Variants in ANK3 observed in about 807,000 individuals in gnomAD.
ANK3 encodes the protein ankyrin-3.
In ANK3, 57 loss-of-function variants were observed where a neutral mutation model predicts 370.9. The observed-to-expected ratio is 0.15, with a 90% CI of 0.12 to 0.19. The LOEUF is 0.19. Ranked by LOEUF, ANK3 falls within the 10% of genes least tolerant of loss-of-function variation. The pLI is 1.00. For synonymous variants in ANK3, 1,929 were observed against 1,946.3 expected (o/e 0.99, Z 0.23); for missense variants, 4,439 against 5,302.1 (o/e 0.84, Z 5.06).
chr10:60,291,387 A>C (rs993515512), intron 1 of ANK3, among the ~76,000 whole-genome samples: 1 of 152,164 alleles, frequency 6.6e-6, no homozygotes, highest in African/African-American at 2.4e-5. Context: ...TTTTGACTTC[A>C]AACTATTTTG....
At chr10:60,048,855 A>G (rs1022186901) in intron 42 of ANK3, among the ~76,000 whole-genome samples, 4 of 152,182 alleles carry the variant, frequency 2.6e-5, no homozygotes, top group African/African-American at 7.2e-5. Flanking sequence ...TTTATCTCCA[A>G]TCTTCAGTTC....
chr10:60,329,799 T>C (rs191845246), intron 1 of ANK3, among the ~76,000 whole-genome samples: 2 of 152,264 alleles, frequency 1.3e-5, no homozygotes, highest in African/African-American at 2.4e-5. Flanking sequence ...AAATTTCATA[T>C]GGAATCAAAA....
At chr10:60,503,120 T>C in intron 2 of ANK3, among the ~76,000 whole-genome samples, 1 of 152,206 alleles carries the variant, frequency 6.6e-6, no homozygotes, top group East Asian at 1.9e-4. Flanking sequence ...TTGAATGGAT[T>C]CTGTTGACAT....
chr10:60,318,386 T>G (rs1196348800), intron 1 of ANK3, among the ~76,000 whole-genome samples: 2 of 152,188 alleles, frequency 1.3e-5, no homozygotes, highest in African/African-American at 4.8e-5. Context: ...TTCCAAAAAT[T>G]TAATAGATTA....
intron 26 of ANK3, among the ~76,000 whole-genome samples, chr10:60,110,708 T>C (rs2092643942): frequency 1.3e-5 from 2 of 152,202 alleles, no homozygotes; most frequent in Admixed American, 1.3e-4. Flanking sequence ...ATGAAGGCAA[T>C]ATGGCAATAT....
intron 1 of ANK3, among the ~76,000 whole-genome samples, chr10:60,726,694 A>G (rs1195788655): frequency 1.3e-5 from 2 of 152,110 alleles, no homozygotes; most frequent in Admixed American, 1.3e-4. Context: ...TGAGAGTGAT[A>G]GAAATTTTCT....
chr10:60,037,995 T>C (rs985620150), intron 43 of ANK3, among the ~76,000 whole-genome samples: 4 of 152,246 alleles, frequency 2.6e-5, no homozygotes, highest in Admixed American at 2.6e-4. Flanking sequence ...TTCTGACTGG[T>C]GTGACATGGT....
chr10:60,473,423 C>T (rs538430795), intron 2 of ANK3, among the ~76,000 whole-genome samples: 28 of 152,252 alleles, frequency 1.8e-4, no homozygotes, highest in Non-Finnish European at 2.8e-4. Context: ...TATTCTTTGT[C>T]TTAGGAATTA....
chr10:60,669,794 T>A (rs556149231), intron 1 of ANK3, among the ~76,000 whole-genome samples: 8 of 152,122 alleles, frequency 5.3e-5, no homozygotes, highest in Non-Finnish European at 1.2e-4. Flanking sequence ...TTCCTTTCCC[T>A]TTCTATAATC....
intron 1 of ANK3, among the ~76,000 whole-genome samples, chr10:60,686,622 C>A (rs2079271769): frequency 6.6e-6 from 1 of 152,124 alleles, no homozygotes; most frequent in Non-Finnish European, 1.5e-5. Flanking sequence ...ATCTTCCTAA[C>A]AACTGTAGGT....
intron 2 of ANK3, among the ~76,000 whole-genome samples, chr10:60,534,992 A>G (rs1160646892): frequency 6.6e-6 from 1 of 152,086 alleles, no homozygotes; most frequent in African/African-American, 2.4e-5. Context: ...ACCAAACCTA[A>G]TTTCATCACA....
intron 43 of ANK3, among the ~76,000 whole-genome samples, chr10:60,032,603 G>T (rs186477485): frequency 6.6e-6 from 1 of 152,004 alleles, no homozygotes; most frequent in Non-Finnish European, 1.5e-5. Flanking sequence ...GGTTAATTTC[G>T]TAATGAGTAG....
chr10:60,418,443 A>G (rs1256799696), intron 2 of ANK3, among the ~76,000 whole-genome samples: 1 of 152,116 alleles, frequency 6.6e-6, no homozygotes, highest in Non-Finnish European at 1.5e-5. Flanking sequence ...CTTTGCTTTC[A>G]TAGCTGCAGT....
intron 2 of ANK3, among the ~76,000 whole-genome samples, chr10:60,442,233 T>A (rs1156534191): frequency 6.6e-6 from 1 of 151,686 alleles, no homozygotes; most frequent in African/African-American, 2.4e-5. Flanking sequence ...GTAGCTGGGA[T>A]TATAGGTGCA....
rs72822295 is a variant in ANK3, at chr10:60,334,473, G to T, written c.115-54834C>A. Among the ~76,000 whole-genome samples, 820 of 152,222 alleles carry T rather than the reference G, an allele frequency of 5.4e-3. 5 individuals are homozygous for T. Among genetic ancestry groups the T allele is most frequent in the South Asian group, 0.015 (71 of 4,816 alleles). On this transcript the variant is annotated intron_variant, in intron 1 of 43. Transcript: ENST00000280772. ...TATTACATATCTGCCAGTTAGAGAG[G>T]TTCAAGTCTATCTAGGTGCAGAGGA...
At position 60,130,622 on chromosome 10, in the gene ANK3, T is replaced by C. The variant is rs1202400954; in HGVS notation, c.2841+3649A>G. The stretch of plus-strand genomic sequence containing the variant: ...CATTATAAATACAAAATTAGAGAAA[T>C]GAAAAACAGAAACTAATAATTTTGT... On this transcript the variant is annotated intron_variant, in intron 25 of 43. Coordinates refer to ENST00000280772, the MANE Select transcript of ANK3 (RefSeq NM_020987.5). Among the ~76,000 whole-genome samples, 3 of 152,166 alleles carry C rather than the reference T, an allele frequency of 2.0e-5. No homozygotes were observed. The East Asian group carries it at 5.8e-4, about 29-fold the overall frequency.
At chr10:60,440,576 C>T (rs768479693) in intron 2 of ANK3, among the ~76,000 whole-genome samples, 25 of 152,144 alleles carry the variant, frequency 1.6e-4, no homozygotes, top group Non-Finnish European at 3.2e-4. Context: ...GTTTTTCCCT[C>T]AACACCTGGG....
intron 2 of ANK3, among the ~76,000 whole-genome samples, chr10:60,449,599 T>C (rs997295470): frequency 6.6e-5 from 10 of 152,196 alleles, no homozygotes; most frequent in Non-Finnish European, 1.3e-4. Context: ...CTATTAGCTG[T>C]GTGACTTTGG....
At position 60,345,624 on chromosome 10, in the gene ANK3, A is replaced by G. The variant is rs114072453; in HGVS notation, c.114+43801T>C. ...GTTAGCCTTTTAGAAAGTAAAGAAG[A>G]TAAGACAATACTAAAGCTCCAGTTC... On this transcript the variant is annotated intron_variant, in intron 1 of 43. Transcript: ENST00000280772. 4.6e-3 allele frequency among the ~76,000 whole-genome samples: 702 copies of G among 152,256 alleles called. 1 individual carries two copies. The highest frequency in any genetic ancestry group is 0.016 in the African/African-American group (682 of 41,560).
Sources: gnomAD v4.1 joint callset for allele counts (sites outside exome capture counted in the v4.1 genomes callset) on GRCh38, gnomAD v4.1.1 for gene constraint, MANE v1.5 for transcripts, NCBI Gene and HGNC (gene_info 2026-07-23, HGNC 2026-07-21) for gene names.